The following CFAP299 variants were observed in gnomAD, a reference collection of about 807,000 sequenced individuals.
The protein encoded by CFAP299 is cilia- and flagella-associated protein 299.
Under a neutral mutation model 27.0 loss-of-function variants are expected in CFAP299, and 21 were observed. That is an observed-to-expected ratio of 0.78 (90% CI 0.55 to 1.12). The LOEUF is 1.12. Among genes scored for constraint, CFAP299 ranks in the 50% most tolerant of loss-of-function variants. CFAP299 has a pLI of 0.00. For missense variants in CFAP299, 310 were observed against 276.6 expected (o/e 1.12, Z -0.86); for synonymous variants, 104 against 98.1 (o/e 1.06, Z -0.36).
intron 3 of CFAP299, among the ~76,000 whole-genome samples, chr4:80,856,515 T>G (rs1005997291): frequency 3.0e-4 from 46 of 152,040 alleles, no homozygotes; most frequent in Non-Finnish European, 4.6e-4. Context: ...TAGGTTTTCT[T>G]CTAGGGTTTT....
chr4:80,407,580 T>C (rs918237147), intron 2 of CFAP299, among the ~76,000 whole-genome samples: 2 of 152,190 alleles, frequency 1.3e-5, no homozygotes, highest in Non-Finnish European at 2.9e-5. Context: ...CCCCGTTCTT[T>C]CTGTACGAGT....
At chr4:80,528,119 G>T (rs774615293) in intron 2 of CFAP299, among the ~76,000 whole-genome samples, 54 of 151,960 alleles carry the variant, frequency 3.6e-4, no homozygotes, top group Non-Finnish European at 6.8e-4. Context: ...CCATTTTGTT[G>T]TATCAGTGTA....
chr4:80,323,178 T>C, the CFAP299 span, among the ~76,000 whole-genome samples: 1 of 152,186 alleles, frequency 6.6e-6, no homozygotes, highest in East Asian at 1.9e-4. Flanking sequence ...ATCAGGTCAA[T>C]TGGTTCTGGA....
chr4:80,905,261 C>T (rs553941640), intron 4 of CFAP299, among the ~76,000 whole-genome samples: 4 of 152,134 alleles, frequency 2.6e-5, no homozygotes, highest in Non-Finnish European at 5.9e-5. Flanking sequence ...CCACTCCAGT[C>T]CATCAAGTTA....
At chr4:80,860,593 A>T (rs998875123) in intron 3 of CFAP299, among the ~76,000 whole-genome samples, 1 of 151,942 alleles carries the variant, frequency 6.6e-6, no homozygotes, top group East Asian at 1.9e-4. Context: ...TTTGGTGTGG[A>T]TGTGCTTTCT....
At chr4:80,411,908 G>C (rs1726738717) in intron 2 of CFAP299, among the ~76,000 whole-genome samples, 1 of 152,070 alleles carries the variant, frequency 6.6e-6, no homozygotes, top group Non-Finnish European at 1.5e-5. Context: ...CCCACAGAGA[G>C]CATCATCTAC....
At chr4:80,714,318 A>T (rs910951779) in intron 3 of CFAP299, among the ~76,000 whole-genome samples, 1 of 152,110 alleles carries the variant, frequency 6.6e-6, no homozygotes, top group African/African-American at 2.4e-5. Context: ...GTCATATGAG[A>T]TGATGAATTT....
chr4:80,667,027 AC>A (rs901776779), intron 3 of CFAP299, among the ~76,000 whole-genome samples: 14 of 152,304 alleles, frequency 9.2e-5, no homozygotes, highest in African/African-American at 3.4e-4. Context: ...GCTTAAACTC[AC>A]TTGAATAGGT....
intron 3 of CFAP299, among the ~76,000 whole-genome samples, chr4:80,722,947 C>T (rs1427508480): frequency 6.6e-6 from 1 of 151,948 alleles, no homozygotes; most frequent in African/African-American, 2.4e-5. Context: ...CAGATTTGAA[C>T]AGACACTTTA....
chr4:80,849,533 A>G (rs1731380471), intron 3 of CFAP299, among the ~76,000 whole-genome samples: 1 of 152,232 alleles, frequency 6.6e-6, no homozygotes, highest in Non-Finnish European at 1.5e-5. Flanking sequence ...TCCCAGGAAA[A>G]TAAAAACAGA....
chr4:80,858,526 G>A (rs980635757), intron 3 of CFAP299, among the ~76,000 whole-genome samples: 5 of 152,142 alleles, frequency 3.3e-5, no homozygotes, highest in Admixed American at 2.0e-4. Flanking sequence ...GATCTTTCCT[G>A]CTTTCTCCTG....
At position 80,384,522 on chromosome 4, in the gene CFAP299, T is replaced by C. The variant is rs146335590; in HGVS notation, c.242+21638T>C. 6.3e-3 allele frequency among the ~76,000 whole-genome samples: 953 copies of C among 152,318 alleles called. 2 individuals are homozygous for C. The highest frequency in any genetic ancestry group is 0.024 in the Middle Eastern group (7 of 294). On this transcript the variant is annotated intron_variant, in intron 2 of 5. Coordinates refer to ENST00000358105, the MANE Select transcript of CFAP299 (RefSeq NM_152770.3). ...TATTTTGTCTACATTGTTAACTACT[T>C]GTGATCTCCTGGGAGCTGGGGTAAG... is the stretch of plus-strand genomic sequence containing the variant.
intron 3 of CFAP299, among the ~76,000 whole-genome samples, chr4:80,799,675 ATATTTATAAATATATAATATATAAAAT>A (rs1728201211): frequency 5.1e-5 from 2 of 39,452 alleles, no homozygotes; most frequent in African/African-American, 2.4e-4. Context: ...TTATAAATAT[ATATTTATAAATATATAATATATAAAAT>A]ATATATTTTA....
chr4:80,650,302 C>T (rs1427356098), intron 3 of CFAP299, among the ~76,000 whole-genome samples: 1 of 152,042 alleles, frequency 6.6e-6, no homozygotes, highest in Non-Finnish European at 1.5e-5. Flanking sequence ...CCAGAAGGTA[C>T]TTTGTAGGAT....
intron 2 of CFAP299, among the ~76,000 whole-genome samples, chr4:80,374,123 C>CT (rs1724287002): frequency 6.6e-6 from 1 of 152,146 alleles, no homozygotes; most frequent in Non-Finnish European, 1.5e-5. Flanking sequence ...GCCTCATCTT[C>CT]TGGGGTCCGT....
intron 4 of CFAP299, chr4:80,872,831 A>G: frequency 1.1e-6 from 1 of 872,946 alleles, no homozygotes; most frequent in Non-Finnish European, 1.4e-6. Context: ...GCAAATTATA[A>G]GATTCGTTTT....
intron 2 of CFAP299, among the ~76,000 whole-genome samples, chr4:80,506,264 G>C (rs562941934): frequency 1.0e-3 from 152 of 152,082 alleles, no homozygotes; most frequent in African/African-American, 2.9e-3. Context: ...AGTAAATCCA[G>C]GACTATTTGA....
rs573220935 is a variant in CFAP299, at chr4:80,632,424, A to T, written c.333+49241A>T. 3.3e-5 allele frequency among the ~76,000 whole-genome samples: 5 copies of T among 152,256 alleles called. 1 individual carries two copies. The South Asian group carries it at 1.0e-3, about 32-fold the overall frequency. On this transcript the variant is annotated intron_variant, in intron 3 of 5. Coordinates refer to ENST00000358105, the MANE Select transcript of CFAP299 (RefSeq NM_152770.3). ...TTTTTTCTTCATATTAGTTAATTTG[A>T]TCATTCATTCAATGAATCTACATTT... is the stretch of plus-strand genomic sequence containing the variant.
At chr4:80,629,572 T>G (rs1739098094) in intron 3 of CFAP299, among the ~76,000 whole-genome samples, 1 of 152,080 alleles carries the variant, frequency 6.6e-6, no homozygotes, top group Non-Finnish European at 1.5e-5. Flanking sequence ...ATATATGCAC[T>G]TTTATCTGTC....
Sources: allele counts gnomAD v4.1 joint callset (sites outside exome capture counted in the v4.1 genomes callset), GRCh38; gene constraint gnomAD v4.1.1; transcripts MANE v1.5; gene names NCBI Gene and HGNC (gene_info 2026-07-23, HGNC 2026-07-21).